Variants in PCDHA12 observed in about 807,000 individuals in gnomAD.
PCDHA12 encodes the protein protocadherin alpha 12.
A neutral mutation model predicts 60.0 loss-of-function variants in PCDHA12; 44 were observed. The observed-to-expected ratio is 0.73, with a 90% confidence interval of 0.58 to 0.94. The LOEUF is 0.94. PCDHA12 is among the 40% of genes least tolerant of loss of function. The pLI, the probability that PCDHA12 is intolerant of heterozygous loss-of-function variation, is 0.00. For synonymous variants in PCDHA12, 569 were observed against 553.0 expected, an observed-to-expected ratio of 1.03 and a Z score of -0.40; for missense variants, 1,276 against 1,239.7, an observed-to-expected ratio of 1.03 and a Z score of -0.44.
rs1290626143 is a variant in PCDHA12 at position 141,010,228 on chromosome 5, C to G, written c.*291C>G. On this transcript the variant is annotated 3_prime_UTR_variant, in exon 4 of 4. Transcript: ENST00000398631. ...CCGCAAAGGAGAGGCTTCCCAGCCC[C>G]GCCAGTGAGAGGTTGGACTCTCTGC... The G allele has an allele frequency of 1.1e-5, 17 of 1,551,916 alleles. No individual in the cohort carries two copies. Among genetic ancestry groups the G allele is most frequent in the Non-Finnish European group, 1.5e-5 (17 of 1,147,054 alleles).
At chr5:140,915,638 C>CTCTT (rs1554197009) in intron 1 of PCDHA12, among the ~76,000 whole-genome samples, 3 of 151,724 alleles carry the variant, frequency 2.0e-5, no homozygotes, top group Admixed American at 1.3e-4. Context: ...CTCTCTCTCT[C>CTCTT]TCTCTCTCTC....
chr5:140,917,417 C>G (rs1163543772), intron 1 of PCDHA12, among the ~76,000 whole-genome samples: 2 of 152,082 alleles, frequency 1.3e-5, no homozygotes, highest in African/African-American at 2.4e-5. Flanking sequence ...TAATTAGGCC[C>G]CATTTGCCAA....
At chr5:140,981,019 T>A (rs1396794400) in intron 2 of PCDHA12, among the ~76,000 whole-genome samples, 1 of 152,242 alleles carries the variant, frequency 6.6e-6, no homozygotes, top group East Asian at 1.9e-4. Context: ...ACTTGAAGGC[T>A]GTTAATATTT....
chr5:140,949,457 T>C (rs1369576515), intron 1 of PCDHA12, among the ~76,000 whole-genome samples: 1 of 151,872 alleles, frequency 6.6e-6, no homozygotes, highest in Non-Finnish European at 1.5e-5. Flanking sequence ...TCATGTAATT[T>C]GAAGCCCTGT....
intron 1 of PCDHA12, chr5:140,927,159 C>G (rs782468229): frequency 6.2e-7 from 1 of 1,614,046 alleles, no homozygotes; most frequent in Non-Finnish European, 8.5e-7. Context: ...TGTGCAGGGC[C>G]AAAGCTGCCT....
chr5:140,927,086 A>G (rs2083826085), intron 1 of PCDHA12: 5 of 1,612,296 alleles, frequency 3.1e-6, no homozygotes, highest in Non-Finnish European at 3.4e-6. Context: ...CGCGAGCTCT[A>G]CTTCGGGGTG....
At chr5:140,913,706 C>A (rs1431880255) in intron 1 of PCDHA12, among the ~76,000 whole-genome samples, 4 of 152,054 alleles carry the variant, frequency 2.6e-5, no homozygotes, top group Non-Finnish European at 5.9e-5. Context: ...CCAATGTAGG[C>A]AATTACAGCT....
chr5:140,963,221 T>C (rs2095749324), intron 1 of PCDHA12, among the ~76,000 whole-genome samples: 1 of 151,808 alleles, frequency 6.6e-6, no homozygotes, highest in Admixed American at 6.6e-5. Context: ...GTGTTTAGAG[T>C]AGACACTGTT....
At chr5:141,009,166 T>C (rs949376056) in intron 3 of PCDHA12, among the ~76,000 whole-genome samples, 98 of 152,230 alleles carry the variant, frequency 6.4e-4, no homozygotes, top group African/African-American at 2.2e-3. Context: ...CTGTAAATAC[T>C]GGCCTTGGCT....
At chr5:140,967,591 G>A (rs1554229706) in intron 1 of PCDHA12, 1 of 1,614,154 alleles carries the variant, frequency 6.2e-7, no homozygotes, top group East Asian at 2.2e-5. Flanking sequence ...CAGGCACATT[G>A]GTGGTGAAGC....
rs562257406 is a variant in PCDHA12 at position 140,883,263 on chromosome 5, G to A, written c.2367+5424G>A. 5.0e-6 allele frequency: 8 copies of A among 1,613,870 alleles called. No individual in the cohort carries two copies. The Admixed American group carries it at 6.7e-5, about 13-fold the overall frequency. ...GACAAAGGAAATATTCCAATGGCGG[G>A]TCATTGTACCCTTTTGGTGGAAGTA... On this transcript the variant is annotated intron_variant, in intron 1 of 3. Transcript: ENST00000398631.
rs147440301 is a variant in PCDHA12, at chr5:140,924,523, G to A, written c.2367+46684G>A. On this transcript the variant is annotated intron_variant, in intron 1 of 3. Transcript: ENST00000398631. ...AATCCCACTCTTAGTGTTAAAAAGA[G>A]AATGCCCGAGCTACCCCTCTCCCCA... is the stretch of plus-strand genomic sequence containing the variant. Among the ~76,000 whole-genome samples, 1,224 of 152,202 alleles carry A rather than the reference G, an allele frequency of 8.0e-3. 6 individuals carry two copies. The highest frequency in any genetic ancestry group is 0.019 in the African/African-American group (791 of 41,530).
chr5:141,008,074 G>A (rs1484978543), intron 3 of PCDHA12, among the ~76,000 whole-genome samples: 1 of 151,988 alleles, frequency 6.6e-6, no homozygotes, highest in Non-Finnish European at 1.5e-5. Flanking sequence ...AGAACTTATT[G>A]GGGTTATTCT....
intron 1 of PCDHA12, among the ~76,000 whole-genome samples, chr5:140,958,935 G>A (rs1439446773): frequency 9.3e-6 from 1 of 107,572 alleles, no homozygotes; most frequent in African/African-American, 4.3e-5. Flanking sequence ...GCTCATACTT[G>A]TAATAATATT....
chr5:140,995,674 A>G (rs1205485736), intron 3 of PCDHA12, among the ~76,000 whole-genome samples: 2 of 151,994 alleles, frequency 1.3e-5, no homozygotes, highest in East Asian at 3.9e-4. Flanking sequence ...TAAATGCAGC[A>G]TTTTTTTTAA....
chr5:140,987,034 C>T (rs782321957), intron 3 of PCDHA12, among the ~76,000 whole-genome samples: 12 of 151,770 alleles, frequency 7.9e-5, no homozygotes, highest in Non-Finnish European at 1.6e-4. Context: ...GTCAACATGG[C>T]GAAACCCCAT....
intron 2 of PCDHA12, among the ~76,000 whole-genome samples, chr5:140,981,521 C>T (rs894639773): frequency 1.3e-5 from 2 of 152,208 alleles, no homozygotes; most frequent in South Asian, 4.1e-4. Flanking sequence ...TTGCAGTGAG[C>T]TGAGATCGTG....
chr5:140,945,596 T>C (rs2093812585), intron 1 of PCDHA12, among the ~76,000 whole-genome samples: 1 of 152,060 alleles, frequency 6.6e-6, no homozygotes, highest in Admixed American at 6.6e-5. Context: ...ACTTCAAAGC[T>C]ATAATAATCA....
rs782403008 is a variant in PCDHA12 at position 140,877,235 on chromosome 5, G to A, written c.1763G>A (p.Gly588Asp). ...TTGGTACCGCGGTCGGTGGGTGCGGGCCACGTGGTGGCGAAAGTGCGCGCG... is the reference window on the plus strand; with the variant it reads ...TTGGTACCGCGGTCGGTGGGTGCGGACCACGTGGTGGCGAAAGTGCGCGCG... Reference protein sequence around the residue: ...SELVPRSVGAGHVVAKVRAVD... With the variant: ...SELVPRSVGADHVVAKVRAVD... Residue 588 changes from glycine (G) to aspartate (D), a missense_variant, in exon 1 of 4, where the codon GGC becomes GAC. Physicochemically the swap from Gly to Asp is moderately conservative, Grantham distance 94. Transcript: ENST00000398631. 49 of 1,613,570 alleles carry A rather than the reference G, an allele frequency of 3.0e-5. No homozygotes were observed. In the South Asian group the frequency reaches 5.1e-4, roughly 17 times the overall value.
Sources: gnomAD v4.1 joint callset for allele counts (sites outside exome capture counted in the v4.1 genomes callset) on GRCh38, gnomAD v4.1.1 for gene constraint, MANE v1.5 for transcripts, NCBI Gene and HGNC (gene_info 2026-07-23, HGNC 2026-07-21) for gene names.